TXLNG: variants seen among roughly 807,000 people sequenced by gnomAD.
TXLNG encodes gamma-taxilin.
TXLNG carries 5 observed loss-of-function variants against 38.8 expected under a neutral mutation model. The observed-to-expected ratio is 0.13, with a 90% confidence interval of 0.07 to 0.27. The LOEUF (loss-of-function observed/expected upper bound fraction) is 0.27, where lower values mean the gene tolerates loss of function less well. TXLNG is among the 10% of genes least tolerant of loss of function. The probability of loss-of-function intolerance (pLI) is 1.00; values close to 1 mark genes in which losing one functional copy is unlikely to be tolerated. For synonymous variants in TXLNG, 182 were observed against 158.2 expected, an observed-to-expected ratio of 1.15 and a Z score of -1.13; for missense variants, 393 against 398.2, an observed-to-expected ratio of 0.99 and a Z score of 0.11.
intron 9 of TXLNG, chrX:16,840,349 A>G: frequency 1.9e-6 from 1 of 517,305 alleles, no homozygotes; most frequent in Non-Finnish European, 2.4e-6. Context: ...CATGCAGGTG[A>G]TGCTGATGCA....
At chrX:16,823,255 TCG>T (rs1929041038) in intron 3 of TXLNG, among the ~76,000 whole-genome samples, 3 of 109,308 alleles carry the variant, frequency 2.7e-5, no homozygotes, top group Non-Finnish European at 3.8e-5. Flanking sequence ...GGTCGGGAGT[TCG>T]AGACCAGCCT....
chrX:16,816,064 AT>A (rs202218771), intron 1 of TXLNG, among the ~76,000 whole-genome samples: 6 of 105,497 alleles, frequency 5.7e-5, no homozygotes, highest in South Asian at 4.0e-4. Flanking sequence ...TATATTAATG[AT>A]TTTTTTTTCT....
In TXLNG at chrX:16,842,794, A is replaced by G. The variant is rs1288539562; in HGVS notation, c.*1028A>G. On this transcript the variant is annotated 3_prime_UTR_variant, in exon 10 of 10. Transcript: ENST00000380122. The stretch of plus-strand genomic sequence containing the variant: ...CGAAATTGATTTTCATTTCCAAAAC[A>G]AACACTGGCACCAACATTTTTACTT... 8.9e-6 allele frequency: 1 copy of G among 112,155 alleles called. No homozygotes were observed. The highest frequency in any genetic ancestry group is 1.9e-5 in the Non-Finnish European group (1 of 53,292). 9.2% of individuals were successfully genotyped at this position (112,155 alleles called of 1,213,427 possible). A position where few individuals can be genotyped will look rare whatever the true frequency, so the allele number is the denominator to read the frequency against.
At chrX:16,832,350 G>A (rs1453140341) in intron 5 of TXLNG, among the ~76,000 whole-genome samples, 1 of 112,563 alleles carries the variant, frequency 8.9e-6, no homozygotes, top group African/African-American at 3.2e-5. Flanking sequence ...ATACCAAGCT[G>A]GTGAGGGGGA....
chrX:16,809,619 C>T (rs1023511731), intron 1 of TXLNG, among the ~76,000 whole-genome samples: 1 of 110,712 alleles, frequency 9.0e-6, no homozygotes, highest in African/African-American at 3.3e-5. Context: ...TCTAGGATTA[C>T]AGGTGTGAGC....
rs1211287737 is a variant in TXLNG, at chrX:16,834,374, G to T, written c.1059+17G>T. ...AAACAGCAGGTAACTTCACAGCAGG[G>T]GATAGTACAATTTGTAAGAAAAATC... On this transcript the variant is annotated intron_variant, in intron 7 of 9. Transcript: ENST00000380122. The T allele has an allele frequency of 3.4e-6, 4 of 1,168,132 alleles. No homozygotes were observed. Among genetic ancestry groups the T allele is most frequent in the Non-Finnish European group, 4.6e-6 (4 of 863,880 alleles).
At chrX:16,809,976 A>C (rs1378106377) in intron 1 of TXLNG, among the ~76,000 whole-genome samples, 1 of 111,763 alleles carries the variant, frequency 8.9e-6, no homozygotes, top group Non-Finnish European at 1.9e-5. Context: ...GAAGCAGTAT[A>C]TTTTTGTGGT....
chrX:16,811,556 C>CA (rs1412396354), intron 1 of TXLNG, among the ~76,000 whole-genome samples: 1 of 109,835 alleles, frequency 9.1e-6, no homozygotes, highest in East Asian at 2.9e-4. Flanking sequence ...CCATGTTGGC[C>CA]AGGCTGTTCT....
At chrX:16,838,104 CCTT>C (rs1929662126) in intron 8 of TXLNG, among the ~76,000 whole-genome samples, 1 of 111,661 alleles carries the variant, frequency 9.0e-6, no homozygotes, top group Non-Finnish European at 1.9e-5. Context: ...AGTGTTTCTA[CCTT>C]TTTTAGCTTC....
In TXLNG at chrX:16,786,474, G is replaced by T; in HGVS notation, c.-14G>T. On this transcript the variant is annotated 5_prime_UTR_variant, in exon 1 of 10. Transcript: ENST00000380122. ...CCCTTGTCGGGCCGCTTGTTTGGCTGCTGCCGTCACCTCATGGCGACGCGG... is the reference window on the plus strand; with the variant it reads ...CCCTTGTCGGGCCGCTTGTTTGGCTTCTGCCGTCACCTCATGGCGACGCGG... 9.0e-7 allele frequency: 1 copy of T among 1,109,730 alleles called. No homozygotes were observed. Among genetic ancestry groups the T allele is most frequent in the Admixed American group, 3.2e-5 (1 of 31,303 alleles). 91.5% of individuals were successfully genotyped at this position (1,109,730 alleles called of 1,213,427 possible). A position where few individuals can be genotyped will look rare whatever the true frequency, so the allele number is the denominator to read the frequency against.
At chrX:16,813,377 C>T (rs763944743) in intron 1 of TXLNG, among the ~76,000 whole-genome samples, 6 of 110,253 alleles carry the variant, frequency 5.4e-5, no homozygotes, top group Admixed American at 3.9e-4. Context: ...CGTGGTGGCT[C>T]ACGCCTGTAA....
rs781255346 is a variant in TXLNG, at chrX:16,820,246, T to C, written c.489T>C (p.Tyr163=). Residue 163 remains tyrosine (Y), a synonymous_variant, in exon 3 of 10, where the codon TAT becomes TAC. Coordinates refer to ENST00000380122, the MANE Select transcript of TXLNG (RefSeq NM_018360.3). The stretch of plus-strand genomic sequence containing the variant: ...AGCTGGCAGCTCTCTGTAAGAAATA[T>C]GCTGATCTTGTGAGTATTAAGCCAA... ...EEKLAALCKK[Y]ADLLEESRSV... is the part of the protein sequence containing the mutation. 1.2e-4 allele frequency: 143 copies of C among 1,203,081 alleles called. No homozygotes were observed. The Admixed American group carries it at 2.8e-3, about 23-fold the overall frequency.
At chrX:16,825,484 A>C (rs1052616520) in intron 3 of TXLNG, among the ~76,000 whole-genome samples, 2 of 112,352 alleles carry the variant, frequency 1.8e-5, no homozygotes, top group African/African-American at 6.5e-5. Flanking sequence ...CTGTTGATGC[A>C]AGAAGATGGA....
intron 4 of TXLNG, among the ~76,000 whole-genome samples, chrX:16,828,777 G>A (rs1394275437): frequency 8.9e-6 from 1 of 112,121 alleles, no homozygotes. Context: ...GAGGGAATAG[G>A]TATCCAAAGA....
intron 1 of TXLNG, among the ~76,000 whole-genome samples, chrX:16,788,979 T>A (rs962850678): frequency 8.9e-6 from 1 of 112,331 alleles, no homozygotes; most frequent in South Asian, 3.6e-4. Context: ...AAAATTTTTT[T>A]AAAAATCATT....
intron 3 of TXLNG, among the ~76,000 whole-genome samples, chrX:16,825,366 T>G (rs1929130506): frequency 1.8e-5 from 2 of 112,233 alleles, no homozygotes; most frequent in Admixed American, 1.9e-4. Context: ...CAACCTCATT[T>G]CTGATGTTTG....
intron 1 of TXLNG, among the ~76,000 whole-genome samples, chrX:16,807,682 G>A (rs1164643921): frequency 1.8e-5 from 2 of 111,261 alleles, no homozygotes; most frequent in Non-Finnish European, 3.8e-5. Flanking sequence ...AGCTAAGGAT[G>A]TCTGTCTAGG....
rs1418623175 is a variant in TXLNG at position 16,837,677 on chromosome X, A to G, written c.1144A>G (p.Met382Val). The change falls in exon 8 of 10, where the codon ATG becomes GTG. Residue 382 changes from methionine to valine, a missense_variant. Transcript: ENST00000380122. ...NELFTTFRQE[M>V]EKMTKKIKKL... ...ACTGTTTACAACCTTCAGACAGGAAATGGAAAAGGTATTTACATATTTTTA... is the reference window on the plus strand; with the variant it reads ...ACTGTTTACAACCTTCAGACAGGAAGTGGAAAAGGTATTTACATATTTTTA... The G allele has an allele frequency of 8.4e-7, 1 of 1,191,952 alleles. No homozygotes were observed. The highest frequency in any genetic ancestry group is 3.0e-5 in the East Asian group (1 of 33,592).
At chrX:16,805,826 A>C (rs763689885) in intron 1 of TXLNG, among the ~76,000 whole-genome samples, 2 of 112,722 alleles carry the variant, frequency 1.8e-5, no homozygotes, top group East Asian at 5.5e-4. Context: ...TATTGTAGAG[A>C]CATGTATACC....
Sources: allele counts gnomAD v4.1 joint callset (sites outside exome capture counted in the v4.1 genomes callset), GRCh38; gene constraint gnomAD v4.1.1; transcripts MANE v1.5; gene names NCBI Gene and HGNC (gene_info 2026-07-23, HGNC 2026-07-21).